The following LAMA2 variants were observed in gnomAD, a reference collection of about 807,000 sequenced individuals.
LAMA2 encodes laminin subunit alpha 2, also known as laminin subunit alpha-2.
LAMA2 carries 269 observed loss-of-function variants against 364.8 expected under a neutral mutation model. The ratio of observed to expected loss-of-function variants is 0.74; its 90% CI spans 0.67 to 0.82. The LOEUF (loss-of-function observed/expected upper bound fraction) is 0.82. Ranked by LOEUF, LAMA2 falls within the 40% of genes least tolerant of loss-of-function variation. The pLI is 0.00. For synonymous variants in LAMA2, 1,379 were observed against 1,370.6 expected, an observed-to-expected ratio of 1.01 and a Z score of -0.14; for missense variants, 3,807 against 3,873.2, an observed-to-expected ratio of 0.98 and a Z score of 0.45.
intron 12 of LAMA2, among the ~76,000 whole-genome samples, chr6:129,234,437 A>T (rs1784859233): frequency 6.6e-6 from 1 of 152,160 alleles, no homozygotes; most frequent in Admixed American, 6.6e-5. Context: ...TACTTATATC[A>T]CAGAATCAGG....
intron 35 of LAMA2, among the ~76,000 whole-genome samples, chr6:129,383,702 G>T (rs114884350): frequency 1.1e-3 from 174 of 152,246 alleles, no homozygotes; most frequent in African/African-American, 4.0e-3. Flanking sequence ...TTTATGAGAA[G>T]CTCTGGTGCA....
Position 129,498,560 on chromosome 6 carries a change from TAGA to T in LAMA2, c.8245-4092_8245-4090del, listed in dbSNP as rs200926100. Among the ~76,000 whole-genome samples the T allele has an allele frequency of 8.4e-3, 1,280 of 152,350 alleles. 9 individuals carry two copies. Among genetic ancestry groups the T allele is most frequent in the Non-Finnish European group, 0.014 (936 of 68,020 alleles). On this transcript the variant is annotated intron_variant, in intron 58 of 64. Coordinates refer to ENST00000421865, the MANE Select transcript of LAMA2 (RefSeq NM_000426.4). The stretch of plus-strand genomic sequence containing the variant: ...CATCTTGAGTAGGGCTTTTATATTT[TAGA>T]AGAAGATTAAAGTCAGTGCTATAAA...
intron 40 of LAMA2, among the ~76,000 whole-genome samples, chr6:129,415,336 G>C (rs1280363371): frequency 1.3e-5 from 2 of 151,974 alleles, no homozygotes; most frequent in African/African-American, 4.8e-5. Context: ...ATTGCCAGTT[G>C]CTCTGTGCAG....
At chr6:129,077,938 G>C (rs901200849) in intron 3 of LAMA2, among the ~76,000 whole-genome samples, 1 of 152,144 alleles carries the variant, frequency 6.6e-6, no homozygotes, top group African/African-American at 2.4e-5. Context: ...ATAGTATAAT[G>C]ATGGGTACAT....
At chr6:128,960,601 C>T (rs941071125) in intron 1 of LAMA2, among the ~76,000 whole-genome samples, 2 of 152,152 alleles carry the variant, frequency 1.3e-5, no homozygotes, top group African/African-American at 2.4e-5. Flanking sequence ...CTCGGGTGAT[C>T]CACCCGCCTG....
intron 1 of LAMA2, among the ~76,000 whole-genome samples, chr6:129,013,478 T>C (rs191791859): frequency 2.0e-5 from 3 of 152,012 alleles, no homozygotes; most frequent in Admixed American, 2.0e-4. Flanking sequence ...AATAATGTGA[T>C]AGCAAATGGC....
At chr6:129,103,400 A>G (rs534634524) in intron 4 of LAMA2, among the ~76,000 whole-genome samples, 1 of 152,344 alleles carries the variant, frequency 6.6e-6, no homozygotes, top group East Asian at 1.9e-4. Flanking sequence ...TTAAATAATG[A>G]CAATGCACAT....
intron 1 of LAMA2, among the ~76,000 whole-genome samples, chr6:128,973,062 G>A (rs1782288883): frequency 6.6e-6 from 1 of 152,088 alleles, no homozygotes; most frequent in Non-Finnish European, 1.5e-5. Context: ...TTTAAAAGCA[G>A]TTGCAAGCAA....
chr6:129,211,857 C>A (rs1355008798), intron 12 of LAMA2, among the ~76,000 whole-genome samples: 4 of 152,148 alleles, frequency 2.6e-5, no homozygotes, highest in Non-Finnish European at 4.4e-5. Flanking sequence ...TGGTGAGTGA[C>A]AACTGGATTC....
intron 21 of LAMA2, among the ~76,000 whole-genome samples, chr6:129,299,134 A>C (rs13202296): frequency 0.34 from 51,937 of 151,618 alleles, 10,472 homozygotes; most frequent in Non-Finnish European, 0.45. Flanking sequence ...TGGCCCAAAG[A>C]AACACCATAG....
chr6:129,291,793 G>T, intron 20 of LAMA2, 73 bp downstream of exon 20: 1 of 897,968 alleles, frequency 1.1e-6, no homozygotes, highest in South Asian at 1.4e-5. Flanking sequence ...GACATGTTTT[G>T]TATACCTTCG....
intron 12 of LAMA2, among the ~76,000 whole-genome samples, chr6:129,212,663 A>C (rs1226629400): frequency 3.9e-5 from 6 of 152,208 alleles, no homozygotes; most frequent in Non-Finnish European, 8.8e-5. Context: ...GGTGGGTTAA[A>C]ATCAAGCCAC....
intron 1 of LAMA2, among the ~76,000 whole-genome samples, chr6:128,897,887 G>C (rs938972948): frequency 2.4e-4 from 37 of 152,300 alleles, no homozygotes; most frequent in African/African-American, 8.7e-4. Context: ...AAGTCCAGCA[G>C]TGTGGGCACA....
rs1784205719 is a variant in LAMA2, at chr6:129,478,717, T to C, written c.7476T>C (p.Tyr2492=). 6.2e-7 allele frequency: 1 copy of C among 1,613,544 alleles called. No individual in the cohort carries two copies. The highest frequency in any genetic ancestry group is 8.5e-7 in the Non-Finnish European group (1 of 1,179,556). The change falls in exon 54 of 65, where the codon TAT becomes TAC. Residue 2492 remains tyrosine (Y), a synonymous_variant. Coordinates refer to ENST00000421865, the MANE Select transcript of LAMA2 (RefSeq NM_000426.4). ...GGCCAGAAGTAAATCTGAAGAAATA[T>C]TCCGGCTGCCTCAAAGATATTGAAA... is the stretch of plus-strand genomic sequence containing the variant. The part of the protein sequence containing the change: ...KARPEVNLKK[Y]SGCLKDIEIS...
chr6:129,088,283 A>T (rs374899319), intron 3 of LAMA2, among the ~76,000 whole-genome samples: 1 of 151,908 alleles, frequency 6.6e-6, no homozygotes, highest in Non-Finnish European at 1.5e-5. Flanking sequence ...GGAGTCTCCT[A>T]TGTCTACTTC....
At chr6:129,280,237 G>A (rs1562410029) in intron 18 of LAMA2, 90 bp downstream of exon 18, 2 of 836,924 alleles carry the variant, frequency 2.4e-6, no homozygotes, top group Non-Finnish European at 4.1e-6. Context: ...TCATCCTTTG[G>A]AGAAAAAAGG....
intron 45 of LAMA2, among the ~76,000 whole-genome samples, chr6:129,448,656 A>G (rs1046341451): frequency 6.6e-6 from 1 of 152,218 alleles, no homozygotes; most frequent in Non-Finnish European, 1.5e-5. Context: ...TGAAAAATGC[A>G]GTGAAAATCC....
At chr6:128,941,193 G>A (rs1402967836) in intron 1 of LAMA2, among the ~76,000 whole-genome samples, 1 of 152,148 alleles carries the variant, frequency 6.6e-6, no homozygotes, top group East Asian at 1.9e-4. Context: ...TCAATGGAAA[G>A]CCTTCACAGT....
At chr6:128,989,366 C>T (rs997393684) in intron 1 of LAMA2, among the ~76,000 whole-genome samples, 5 of 152,184 alleles carry the variant, frequency 3.3e-5, no homozygotes, top group African/African-American at 1.2e-4. Context: ...ATGCTCCTCA[C>T]ATATGCTAAT....
Sources: allele counts gnomAD v4.1 joint callset (sites outside exome capture counted in the v4.1 genomes callset), GRCh38; gene constraint gnomAD v4.1.1; transcripts MANE v1.5; gene names NCBI Gene and HGNC (gene_info 2026-07-23, HGNC 2026-07-21).